The following CDH13 variants were observed in gnomAD, a reference collection of about 807,000 sequenced individuals.
CDH13 encodes the protein cadherin-13.
CDH13 carries 24 observed loss-of-function variants against 63.8 expected under a neutral mutation model. That is an observed-to-expected ratio of 0.38 (90% CI 0.27 to 0.53). The LOEUF is 0.53. CDH13 is among the 20% of genes least tolerant of loss of function. The pLI is 0.85. For missense variants in CDH13, 1,049 were observed against 903.1 expected, an observed-to-expected ratio of 1.16 and a Z score of -2.07; for synonymous variants, 503 against 355.3, an observed-to-expected ratio of 1.42 and a Z score of -4.67.
At chr16:83,753,718 T>A (rs1913277566) in intron 11 of CDH13, among the ~76,000 whole-genome samples, 1 of 151,772 alleles carries the variant, frequency 6.6e-6, no homozygotes, top group Non-Finnish European at 1.5e-5. Flanking sequence ...AAACAAAGAG[T>A]AACTCAGGAA....
intron 5 of CDH13, among the ~76,000 whole-genome samples, chr16:83,337,588 C>G (rs1225763105): frequency 7.2e-6 from 1 of 139,640 alleles, no homozygotes; most frequent in Admixed American, 7.4e-5. Context: ...ATATTATTCA[C>G]TGTTGTCATT....
At chr16:83,535,126 G>A (rs1316450074) in intron 7 of CDH13, among the ~76,000 whole-genome samples, 1 of 152,244 alleles carries the variant, frequency 6.6e-6, no homozygotes, top group Non-Finnish European at 1.5e-5. Context: ...TGGCCTGAAG[G>A]TTCATTAAGA....
chr16:83,760,097 T>G (rs1008830462), intron 11 of CDH13, among the ~76,000 whole-genome samples: 5 of 152,050 alleles, frequency 3.3e-5, no homozygotes, highest in African/African-American at 4.8e-5. Context: ...TAAAGATATA[T>G]ACATTAAATT....
intron 1 of CDH13, among the ~76,000 whole-genome samples, chr16:82,695,502 A>C (rs2030170609): frequency 6.6e-6 from 1 of 151,998 alleles, no homozygotes. Flanking sequence ...GAAGGACTTC[A>C]CCTCTTGTCT....
chr16:83,180,950 A>C, intron 4 of CDH13: 1 of 1,532,760 alleles, frequency 6.5e-7, no homozygotes, highest in Non-Finnish European at 8.7e-7. Context: ...TTACAATTTT[A>C]GCAATTTAAT....
intron 2 of CDH13, chr16:82,990,018 G>A (rs568651529): frequency 6.6e-6 from 1 of 151,366 alleles, no homozygotes; most frequent in East Asian, 1.9e-4. Context: ...GGCTTTTCTT[G>A]TCAGGCAATT....
chr16:83,741,188 C>A (rs1196314269), intron 10 of CDH13, among the ~76,000 whole-genome samples: 5 of 152,150 alleles, frequency 3.3e-5, no homozygotes, highest in African/African-American at 1.2e-4. Context: ...GAAATATGCC[C>A]TTTACTTTAC....
At chr16:83,065,734 A>C (rs2031957865) in intron 3 of CDH13, among the ~76,000 whole-genome samples, 2 of 151,864 alleles carry the variant, frequency 1.3e-5, no homozygotes, top group Admixed American at 6.6e-5. Flanking sequence ...AAAAACAAAA[A>C]AAAAAAAACA....
intron 1 of CDH13, among the ~76,000 whole-genome samples, chr16:82,769,214 A>G (rs1354779655): frequency 6.6e-5 from 10 of 152,190 alleles, no homozygotes; most frequent in Admixed American, 5.9e-4. Flanking sequence ...CCTGGTAATT[A>G]TCCCTCACTA....
intron 7 of CDH13, among the ~76,000 whole-genome samples, chr16:83,529,052 G>A (rs1276855472): frequency 6.6e-6 from 1 of 151,352 alleles, no homozygotes; most frequent in Non-Finnish European, 1.5e-5. Flanking sequence ...GAAGATGGAG[G>A]TCATTCCACC....
Position 83,445,289 on chromosome 16 carries a change from G to GCATTTATAATTTATAAAAGC in CDH13, c.782-41188_782-41187insCATTTATAATTTATAAAAGC, listed in dbSNP as rs1208438269. Among the ~76,000 whole-genome samples the GCATTTATAATTTATAAAAGC allele has an allele frequency of 1.6e-5, 2 of 123,662 alleles. 1 individual carries two copies. The highest frequency in any genetic ancestry group is 3.6e-5 in the Non-Finnish European group (2 of 55,770). 81.1% of individuals were successfully genotyped at this position (123,662 alleles called of 152,430 possible). Reference sequence around the variant, plus strand: ...TAAAAGCTTTTATAATTTATAAAAGGTTTTATAAATTATAAAAGGTTTGCA... The same window carrying GCATTTATAATTTATAAAAGC: ...TAAAAGCTTTTATAATTTATAAAAGGCATTTATAATTTATAAAAGCTTTTATAAATTATAAAAGGTTTGCA... On this transcript the variant is annotated intron_variant, in intron 6 of 13. Transcript: ENST00000567109.
intron 2 of CDH13, among the ~76,000 whole-genome samples, chr16:83,001,808 T>A (rs1912965805): frequency 6.6e-6 from 1 of 152,224 alleles, no homozygotes. Flanking sequence ...GAGACACATG[T>A]TGGAGAAGAT....
chr16:82,815,312 C>T (rs1292899458), intron 1 of CDH13, among the ~76,000 whole-genome samples: 3 of 152,158 alleles, frequency 2.0e-5, no homozygotes, highest in African/African-American at 2.4e-5. Flanking sequence ...GGAACAGAGA[C>T]AGTCGACTTG....
chr16:82,797,657 A>T (rs78010522), intron 1 of CDH13, among the ~76,000 whole-genome samples: 1 of 152,074 alleles, frequency 6.6e-6, no homozygotes, highest in African/African-American at 2.4e-5. Flanking sequence ...GGAAAAAAAA[A>T]TTTAGATTCA....
intron 6 of CDH13, among the ~76,000 whole-genome samples, chr16:83,356,233 TGTGTG>T (rs2151380529): frequency 6.8e-6 from 1 of 146,118 alleles, no homozygotes; most frequent in African/African-American, 2.7e-5. Flanking sequence ...TGTGTGTGTG[TGTGTG>T]TGTGTGTGTG....
chr16:82,647,533 C>A (rs569156266), intron 1 of CDH13, among the ~76,000 whole-genome samples: 2 of 152,246 alleles, frequency 1.3e-5, no homozygotes, highest in East Asian at 3.9e-4. Context: ...GAGCTTAACT[C>A]CCCTGGGAAC....
chr16:83,537,454 T>A lies in CDH13; in HGVS notation c.960+50799T>A, dbSNP rs191150487. Among the ~76,000 whole-genome samples, 88 of 152,332 alleles carry A rather than the reference T, an allele frequency of 5.8e-4. 1 individual carries two copies. The highest frequency in any genetic ancestry group is 2.1e-3 in the African/African-American group (86 of 41,574). The stretch of plus-strand genomic sequence containing the variant: ...AACAAGACTTGAATATATAATGTAT[T>A]TGAATTTGAATTTGGTAGTTATATG... On this transcript the variant is annotated intron_variant, in intron 7 of 13. Transcript: ENST00000567109.
intron 2 of CDH13, among the ~76,000 whole-genome samples, chr16:82,990,547 G>GTTTTTT (rs369121464): frequency 2.9e-5 from 4 of 139,886 alleles, no homozygotes; most frequent in African/African-American, 7.9e-5. Context: ...TTTGGTTTGG[G>GTTTTTT]TTTTTTTTTT....
intron 1 of CDH13, among the ~76,000 whole-genome samples, chr16:82,639,624 A>G (rs2150884320): frequency 6.6e-6 from 1 of 152,360 alleles, no homozygotes; most frequent in Non-Finnish European, 1.5e-5. Context: ...GTAGCTATAT[A>G]GAGACACCTG....
Sources: allele counts gnomAD v4.1 joint callset (sites outside exome capture counted in the v4.1 genomes callset), GRCh38; gene constraint gnomAD v4.1.1; transcripts MANE v1.5; gene names NCBI Gene and HGNC (gene_info 2026-07-23, HGNC 2026-07-21).